Variants in ST7 observed in about 807,000 individuals in gnomAD.
ST7 encodes suppressor of tumorigenicity 7 protein.
A neutral mutation model predicts 78.7 loss-of-function variants in ST7; 28 were observed. The observed-to-expected ratio is 0.36, with a 90% CI of 0.26 to 0.49. The LOEUF (loss-of-function observed/expected upper bound fraction) is 0.49, where lower values mean the gene tolerates loss of function less well. ST7 is among the 20% of genes least tolerant of loss of function. The pLI is 0.99. For synonymous variants in ST7, 247 were observed against 249.6 expected, an observed-to-expected ratio of 0.99 and a Z score of 0.10; for missense variants, 418 against 696.0, an observed-to-expected ratio of 0.60 and a Z score of 4.49.
chr7:117,205,351 A>G (rs1378252664), intron 12 of ST7, among the ~76,000 whole-genome samples: 1 of 152,176 alleles, frequency 6.6e-6, no homozygotes, highest in East Asian at 1.9e-4. Flanking sequence ...CTTAATAGTC[A>G]TCATTGACTG....
intron 9 of ST7, among the ~76,000 whole-genome samples, chr7:117,150,532 T>C (rs1806162689): frequency 6.6e-6 from 1 of 152,164 alleles, no homozygotes; most frequent in Admixed American, 6.6e-5. Flanking sequence ...ACTTGTGTAA[T>C]TTCTCTTCTG....
At chr7:117,011,142 GTGTGTGTGTGTTAA>G (rs1164713039) in intron 1 of ST7, among the ~76,000 whole-genome samples, 1 of 152,180 alleles carries the variant, frequency 6.6e-6, no homozygotes, top group Non-Finnish European at 1.5e-5. Context: ...TTTTGTGTGT[GTGTGTGTGTGTTAA>G]TGTGTGTGTG....
At chr7:116,962,379 G>T (rs1792878974) in intron 1 of ST7, among the ~76,000 whole-genome samples, 1 of 152,184 alleles carries the variant, frequency 6.6e-6, no homozygotes, top group Non-Finnish European at 1.5e-5. Context: ...CTTCCACAAA[G>T]GTTGAACTAA....
At chr7:117,037,092 C>T (rs573673465) in intron 1 of ST7, among the ~76,000 whole-genome samples, 2 of 152,258 alleles carry the variant, frequency 1.3e-5, no homozygotes, top group South Asian at 4.1e-4. Flanking sequence ...CCATGGAAGT[C>T]GCATGGACAA....
chr7:116,994,533 T>C (rs1794563819), intron 1 of ST7, among the ~76,000 whole-genome samples: 1 of 152,184 alleles, frequency 6.6e-6, no homozygotes, highest in Non-Finnish European at 1.5e-5. Flanking sequence ...CTATAAATCT[T>C]TGGGGAAAGA....
chr7:117,188,644 A>G (rs1809485037), intron 10 of ST7, among the ~76,000 whole-genome samples: 1 of 152,206 alleles, frequency 6.6e-6, no homozygotes, highest in African/African-American at 2.4e-5. Context: ...TCCTGATGAC[A>G]AGTGAGGCTT....
chr7:116,983,359 C>G (rs1216745473), intron 1 of ST7, among the ~76,000 whole-genome samples: 1 of 152,068 alleles, frequency 6.6e-6, no homozygotes, highest in African/African-American at 2.4e-5. Context: ...AATATATTTA[C>G]TTATTTGCTT....
chr7:117,017,637 A>AG (rs996373371), intron 1 of ST7, among the ~76,000 whole-genome samples: 1 of 151,526 alleles, frequency 6.6e-6, no homozygotes, highest in Non-Finnish European at 1.5e-5. Context: ...TTTTTTTTGG[A>AG]GGGGGGTTAG....
At chr7:117,150,864 A>G (rs1340541109) in intron 9 of ST7, among the ~76,000 whole-genome samples, 1 of 152,198 alleles carries the variant, frequency 6.6e-6, no homozygotes, top group African/African-American at 2.4e-5. Context: ...CTGTTTCTTC[A>G]CTATCTTGGC....
In ST7 at chr7:117,059,459, A is replaced by C. The variant is rs369372924; in HGVS notation, c.152-40303A>C. On this transcript the variant is annotated intron_variant, in intron 1 of 15. Coordinates refer to ENST00000323984, the MANE Select transcript of ST7 (RefSeq NM_001369598.1). ...TATTTGATATGCTAGAATGGACAGA[A>C]ATAATGGCAAAGTTTCATTCTTGTG... 8.4e-4 allele frequency among the ~76,000 whole-genome samples: 128 copies of C among 152,308 alleles called. 4 individuals are homozygous for C. In the South Asian group the frequency reaches 0.026, roughly 30 times the overall value.
chr7:117,152,572 A>G (rs543109449), intron 9 of ST7, among the ~76,000 whole-genome samples: 1 of 152,268 alleles, frequency 6.6e-6, no homozygotes, highest in South Asian at 2.1e-4. Context: ...TTACAGGTAT[A>G]GATTTCTCTC....
intron 1 of ST7, among the ~76,000 whole-genome samples, chr7:117,043,683 A>G (rs916821894): frequency 6.6e-6 from 1 of 152,204 alleles, no homozygotes; most frequent in Non-Finnish European, 1.5e-5. Flanking sequence ...CACCATCATA[A>G]GACAAAGATG....
chr7:117,073,362 C>A (rs1799114661), intron 1 of ST7, among the ~76,000 whole-genome samples: 2 of 152,142 alleles, frequency 1.3e-5, no homozygotes, highest in South Asian at 4.1e-4. Flanking sequence ...AACTTTGGGA[C>A]ATGGTAGTGT....
intron 1 of ST7, among the ~76,000 whole-genome samples, chr7:117,035,084 A>G (rs1313806770): frequency 6.7e-6 from 1 of 148,324 alleles, no homozygotes; most frequent in Non-Finnish European, 1.5e-5. Flanking sequence ...CCATGTTTAC[A>G]TTTAATTCCA....
intron 1 of ST7, among the ~76,000 whole-genome samples, chr7:116,961,376 A>G (rs1338941054): frequency 6.6e-6 from 1 of 152,174 alleles, no homozygotes; most frequent in Non-Finnish European, 1.5e-5. Context: ...GTTTAATAGG[A>G]ATATCATTGA....
Position 117,183,350 on chromosome 7 carries a change from C to T in ST7, c.1079-5971C>T, listed in dbSNP as rs113225989. 2.8e-3 allele frequency among the ~76,000 whole-genome samples: 427 copies of T among 151,626 alleles called. 3 individuals are homozygous for T. Among genetic ancestry groups the T allele is most frequent in the African/African-American group, 9.7e-3 (400 of 41,318 alleles). ...CTGAGGCACAAGAATTGCTTGAACCCGGGAGGTGGAGGTTGTAGTGAGGGA... is the reference window on the plus strand; with the variant it reads ...CTGAGGCACAAGAATTGCTTGAACCTGGGAGGTGGAGGTTGTAGTGAGGGA... On this transcript the variant is annotated intron_variant, in intron 10 of 15. Coordinates refer to ENST00000323984, the MANE Select transcript of ST7 (RefSeq NM_001369598.1).
chr7:117,106,488 T>G (rs1362520471), intron 2 of ST7, among the ~76,000 whole-genome samples: 3 of 152,126 alleles, frequency 2.0e-5, no homozygotes, highest in Non-Finnish European at 4.4e-5. Flanking sequence ...TAGTGGCTAT[T>G]TCTGAGATTT....
At chr7:117,122,786 A>G (rs1393676945) in intron 3 of ST7, among the ~76,000 whole-genome samples, 1 of 152,206 alleles carries the variant, frequency 6.6e-6, no homozygotes, top group Non-Finnish European at 1.5e-5. Flanking sequence ...GCCAGATACC[A>G]CTGGAATAAT....
intron 9 of ST7, among the ~76,000 whole-genome samples, chr7:117,149,151 C>A (rs574148631): frequency 5.9e-5 from 9 of 152,198 alleles, no homozygotes; most frequent in African/African-American, 2.2e-4. Flanking sequence ...TCTCCTTGGG[C>A]CTGGGGAAGT....
Sources: allele counts gnomAD v4.1 joint callset (sites outside exome capture counted in the v4.1 genomes callset), GRCh38; gene constraint gnomAD v4.1.1; transcripts MANE v1.5; gene names NCBI Gene and HGNC (gene_info 2026-07-23, HGNC 2026-07-21).